Variants in WDR27 observed in about 807,000 individuals in gnomAD.
The protein encoded by WDR27 is WD repeat domain 27, also known as WD repeat-containing protein 27.
In WDR27, 100 loss-of-function variants were observed where a neutral mutation model predicts 114.4. The observed-to-expected ratio is 0.87, with a 90% confidence interval of 0.74 to 1.03. The LOEUF is 1.03. Ranked by LOEUF, WDR27 falls within the 50% of genes least tolerant of loss-of-function variation. The pLI is 0.00. For synonymous variants in WDR27, 449 were observed against 423.1 expected (o/e 1.06, Z -0.75); for missense variants, 1,129 against 1,092.9 (o/e 1.03, Z -0.47).
intron 25 of WDR27, among the ~76,000 whole-genome samples, chr6:169,556,588 G>A (rs1461943977): frequency 6.6e-6 from 1 of 152,116 alleles, no homozygotes. Flanking sequence ...GCCACAGAAA[G>A]CATTAAGCAA....
Position 169,544,224 on chromosome 6 carries a change from C to CT in WDR27, c.2645+28194dup, listed in dbSNP as rs1449406649. ...TCTCACACTCTCAGTCCACATAGTGCTCTAAGGTATAGCGACTGAGATAGG... is the reference window on the plus strand; with the variant it reads ...TCTCACACTCTCAGTCCACATAGTGCTTCTAAGGTATAGCGACTGAGATAGG... On this transcript the variant is annotated intron_variant, in intron 25 of 25. Transcript: ENST00000448612. Among the ~76,000 whole-genome samples the CT allele has an allele frequency of 2.0e-5, 3 of 152,130 alleles. No homozygotes were observed. The East Asian group carries it at 5.8e-4, about 29-fold the overall frequency.
At chr6:169,640,503 A>G (rs1280495775) in intron 17 of WDR27, among the ~76,000 whole-genome samples, 1 of 152,236 alleles carries the variant, frequency 6.6e-6, no homozygotes, top group Non-Finnish European at 1.5e-5. Context: ...GAAAGCTCCA[A>G]ACATTCCTCA....
At chr6:169,450,708 T>C in the WDR27 span, among the ~76,000 whole-genome samples, 4 of 152,146 alleles carry the variant, frequency 2.6e-5, no homozygotes, top group African/African-American at 7.2e-5. Context: ...AGAGACTTCA[T>C]AGAATCTGGG....
At chr6:169,619,825 A>C (rs1812694433) in intron 21 of WDR27, among the ~76,000 whole-genome samples, 1 of 152,134 alleles carries the variant, frequency 6.6e-6, no homozygotes, top group South Asian at 2.1e-4. Flanking sequence ...TAATCTGTTT[A>C]GGATTGGGAG....
At chr6:169,501,882 T>C (rs1791293495) in intron 25 of WDR27, among the ~76,000 whole-genome samples, 1 of 152,176 alleles carries the variant, frequency 6.6e-6, no homozygotes, top group Non-Finnish European at 1.5e-5. Flanking sequence ...AAGCAAGACC[T>C]CCCTACATGC....
At chr6:169,531,848 T>C (rs765521018) in intron 25 of WDR27, among the ~76,000 whole-genome samples, 4 of 152,116 alleles carry the variant, frequency 2.6e-5, no homozygotes, top group Non-Finnish European at 5.9e-5. Context: ...GAGATGGGGT[T>C]TCACCATGTT....
intron 25 of WDR27, among the ~76,000 whole-genome samples, chr6:169,553,302 G>A (rs941947325): frequency 6.6e-6 from 1 of 152,048 alleles, no homozygotes. Flanking sequence ...CTGCCCATCC[G>A]CAAGCCATTC....
At chr6:169,476,747 A>G (rs1787235608) in intron 25 of WDR27, among the ~76,000 whole-genome samples, 1 of 152,224 alleles carries the variant, frequency 6.6e-6, no homozygotes, top group African/African-American at 2.4e-5. Flanking sequence ...TTTTAAGTTT[A>G]CTTAGTTATT....
At chr6:169,666,705 G>T (rs577097069) in intron 6 of WDR27, 15 of 987,800 alleles carry the variant, frequency 1.5e-5, no homozygotes, top group Non-Finnish European at 1.8e-5. Flanking sequence ...TGGCATTCAC[G>T]AGCTGCACAC....
At position 169,572,520 on chromosome 6, in the gene WDR27, G is replaced by T. The variant is rs1236608804; in HGVS notation, c.2544C>A (p.Ala848=). 1 of 138,608 alleles carries T rather than the reference G, an allele frequency of 7.2e-6. No homozygotes were observed. The highest frequency in any genetic ancestry group is 8.1e-5 in the Admixed American group (1 of 12,350). 8.6% of individuals were successfully genotyped at this position (138,608 alleles called of 1,614,324 possible). A position where few individuals can be genotyped will look rare whatever the true frequency, so the allele number is the denominator to read the frequency against. The change falls in exon 25 of 26, where the codon GCC becomes GCA. Residue 848 remains alanine (A), a synonymous_variant. Transcript: ENST00000448612. ...GATCGTGCCACTGCACTCCAGCGTGGGCGACAGAGCGAGACTCCATCTCAA... is the reference window on the plus strand; with the variant it reads ...GATCGTGCCACTGCACTCCAGCGTGTGCGACAGAGCGAGACTCCATCTCAA... ...SAPQMESRSV[A]HAGVQWHDLG...
rs555164968 is a variant in WDR27, at chr6:169,648,081, C to T, written c.1560-211G>A. Among the ~76,000 whole-genome samples, 31 of 152,116 alleles carry T rather than the reference C, an allele frequency of 2.0e-4. No homozygotes were observed. The South Asian group carries it at 3.7e-3, about 18-fold the overall frequency. On this transcript the variant is annotated intron_variant, in intron 15 of 25. Coordinates refer to ENST00000448612, the MANE Select transcript of WDR27 (RefSeq NM_182552.5). ...TAAATAGACTTACATTCCACATTGC[C>T]AAAAAAGACACATATTTTACATATA...
intron 14 of WDR27, among the ~76,000 whole-genome samples, chr6:169,651,484 T>A (rs1822538708): frequency 6.6e-6 from 1 of 152,258 alleles, no homozygotes; most frequent in African/African-American, 2.4e-5. Context: ...TCTCCTTGCC[T>A]TTGAGCAGTC....
At chr6:169,533,860 C>T (rs1019307005) in intron 25 of WDR27, among the ~76,000 whole-genome samples, 6 of 152,008 alleles carry the variant, frequency 3.9e-5, no homozygotes, top group Non-Finnish European at 8.8e-5. Context: ...CACATGTGCA[C>T]GTGTATGCAT....
At chr6:169,545,608 G>A (rs1797363385) in intron 25 of WDR27, among the ~76,000 whole-genome samples, 1 of 152,150 alleles carries the variant, frequency 6.6e-6, no homozygotes, top group Non-Finnish European at 1.5e-5. Context: ...AGTCTGGGAG[G>A]CAGAGACTGC....
chr6:169,598,090 T>C (rs2050062), intron 23 of WDR27, among the ~76,000 whole-genome samples: 143,037 of 152,280 alleles, frequency 0.94, 67,251 homozygotes, highest in East Asian at 0.99. Flanking sequence ...GCACCCTAGT[T>C]AGTTTCACGC....
At chr6:169,463,221 G>A (rs1350934176) in intron 25 of WDR27, among the ~76,000 whole-genome samples, 3 of 152,172 alleles carry the variant, frequency 2.0e-5, no homozygotes. Flanking sequence ...GAAGAAGAGT[G>A]GAATAGCCAA....
rs537391955 is a variant in WDR27 at position 169,648,690 on chromosome 6, A to C, written c.1559+508T>G. On this transcript the variant is annotated intron_variant, in intron 15 of 25. Coordinates refer to ENST00000448612, the MANE Select transcript of WDR27 (RefSeq NM_182552.5). ...ATCTCTCCTCGGACAATGTAATCTT[A>C]AATCTAGGACTGGGAGGGACCCTAG... Among the ~76,000 whole-genome samples the C allele has an allele frequency of 2.0e-5, 3 of 152,346 alleles. No individual in the cohort carries two copies. In the South Asian group the frequency reaches 6.2e-4, roughly 32 times the overall value.
chr6:169,589,041 C>T (rs571207407), intron 23 of WDR27, among the ~76,000 whole-genome samples: 6 of 152,262 alleles, frequency 3.9e-5, no homozygotes, highest in Non-Finnish European at 8.8e-5. Context: ...TTAGGGCATC[C>T]TCAAATTCCC....
chr6:169,687,255 A>G (rs79992132), intron 2 of WDR27, among the ~76,000 whole-genome samples: 15,946 of 152,168 alleles, frequency 0.1, 902 homozygotes, highest in African/African-American at 0.12. Context: ...TACCCCCAAA[A>G]TATGTACAAC....
Sources: gnomAD v4.1 joint callset for allele counts (sites outside exome capture counted in the v4.1 genomes callset) on GRCh38, gnomAD v4.1.1 for gene constraint, MANE v1.5 for transcripts, NCBI Gene and HGNC (gene_info 2026-07-23, HGNC 2026-07-21) for gene names.